The following CAST variants were observed in gnomAD, a reference collection of about 807,000 sequenced individuals.
CAST encodes MIR583 host.
CAST carries 76 observed loss-of-function variants against 119.6 expected under a neutral mutation model. The ratio of observed to expected loss-of-function variants is 0.64; its 90% CI spans 0.53 to 0.77. CAST has a LOEUF of 0.77. CAST is among the 30% of genes least tolerant of loss of function. The probability of loss-of-function intolerance (pLI) is 0.00; values close to 1 mark genes in which losing one functional copy is unlikely to be tolerated. For synonymous variants in CAST, 319 were observed against 331.6 expected, an observed-to-expected ratio of 0.96 and a Z score of 0.41; for missense variants, 953 against 946.5, an observed-to-expected ratio of 1.01 and a Z score of -0.09.
chr5:96,707,034 A>G (rs895459389), intron 3 of CAST, among the ~76,000 whole-genome samples: 1 of 152,178 alleles, frequency 6.6e-6, no homozygotes, highest in Non-Finnish European at 1.5e-5. Flanking sequence ...CGAGGTGCAA[A>G]AGTGCAAAGA....
At chr5:96,258,600 C>A in the CAST span, among the ~76,000 whole-genome samples, 1 of 152,146 alleles carries the variant, frequency 6.6e-6, no homozygotes, top group South Asian at 2.1e-4. Context: ...CCACCCCCCA[C>A]CATGTTTCTG....
At chr5:96,606,454 A>G (rs1340752122) in intron 1 of CAST, among the ~76,000 whole-genome samples, 1 of 152,226 alleles carries the variant, frequency 6.6e-6, no homozygotes, top group East Asian at 1.9e-4. Flanking sequence ...GGCTGGATGC[A>G]GAAAGAGCCA....
chr5:96,476,048 G>A, the CAST span, among the ~76,000 whole-genome samples: 4 of 152,288 alleles, frequency 2.6e-5, no homozygotes, highest in South Asian at 4.1e-4. Flanking sequence ...ATCCAAAAGC[G>A]GCCGTTGAGG....
the CAST span, among the ~76,000 whole-genome samples, chr5:96,171,999 G>A: frequency 4.8e-5 from 7 of 147,260 alleles, no homozygotes; most frequent in Admixed American, 1.4e-4. Flanking sequence ...TGAAGAGACC[G>A]CCAAACAGGC....
At chr5:96,428,507 A>G in the CAST span, among the ~76,000 whole-genome samples, 6 of 152,352 alleles carry the variant, frequency 3.9e-5, no homozygotes, top group South Asian at 1.2e-3. Context: ...TTCAAAATCA[A>G]TAGGTACATT....
At chr5:96,416,589 C>T in the CAST span, among the ~76,000 whole-genome samples, 7 of 152,120 alleles carry the variant, frequency 4.6e-5, no homozygotes, top group African/African-American at 9.7e-5. Flanking sequence ...TTAGATTATC[C>T]TTGATCAGCC....
the CAST span, among the ~76,000 whole-genome samples, chr5:96,335,039 G>A: frequency 3.9e-5 from 6 of 152,186 alleles, 1 homozygote; most frequent in South Asian, 1.2e-3. Flanking sequence ...AGTTACACAT[G>A]CCAAGACCAG....
At chr5:96,153,076 A>T in the CAST span, among the ~76,000 whole-genome samples, 1 of 152,280 alleles carries the variant, frequency 6.6e-6, no homozygotes, top group Non-Finnish European at 1.5e-5. Flanking sequence ...CTCAATTAAA[A>T]GTACAAATAA....
At chr5:96,415,965 C>G in the CAST span, 6 of 962,190 alleles carry the variant, frequency 6.2e-6, no homozygotes, top group Non-Finnish European at 1.0e-5. Flanking sequence ...CTCCCCTCCC[C>G]CATTTACAAT....
chr5:96,368,500 TAA>T, the CAST span, among the ~76,000 whole-genome samples: 5 of 133,178 alleles, frequency 3.8e-5, no homozygotes, highest in Admixed American at 7.6e-5. Context: ...AAACTCCATC[TAA>T]AAAAAAAAAA....
chr5:96,472,257 A>G, the CAST span, among the ~76,000 whole-genome samples: 2 of 152,196 alleles, frequency 1.3e-5, no homozygotes, highest in Non-Finnish European at 2.9e-5. Flanking sequence ...ATCTGATGCT[A>G]TGACTAGATT....
At chr5:96,157,540 T>C in the CAST span, among the ~76,000 whole-genome samples, 1 of 152,220 alleles carries the variant, frequency 6.6e-6, no homozygotes, top group Non-Finnish European at 1.5e-5. Context: ...CCTTACAGTG[T>C]GTCCAGGTGC....
At chr5:96,346,248 G>A in the CAST span, among the ~76,000 whole-genome samples, 1 of 152,170 alleles carries the variant, frequency 6.6e-6, no homozygotes, top group African/African-American at 2.4e-5. Flanking sequence ...GTAGATGGCA[G>A]TACTATTCAC....
At chr5:96,712,024 A>G (rs1756268355) in intron 3 of CAST, among the ~76,000 whole-genome samples, 1 of 152,260 alleles carries the variant, frequency 6.6e-6, no homozygotes, top group South Asian at 2.1e-4. Context: ...CCTATAGGAA[A>G]TAGGACACCC....
the CAST span, among the ~76,000 whole-genome samples, chr5:96,168,747 C>T: frequency 3.3e-5 from 5 of 151,950 alleles, no homozygotes; most frequent in South Asian, 2.1e-4. Context: ...GTGTGGTATC[C>T]GGAATAATGT....
intron 1 of CAST, among the ~76,000 whole-genome samples, chr5:96,566,165 G>A (rs995768716): frequency 6.6e-6 from 1 of 152,162 alleles, no homozygotes; most frequent in Non-Finnish European, 1.5e-5. Context: ...AGAGAGAAAA[G>A]GTTCTGACCT....
At chr5:96,620,848 C>T (rs527683840) in intron 1 of CAST, among the ~76,000 whole-genome samples, 1 of 152,124 alleles carries the variant, frequency 6.6e-6, no homozygotes, top group East Asian at 1.9e-4. Flanking sequence ...AAAGCGGAAA[C>T]GGTATTTATA....
the CAST span, among the ~76,000 whole-genome samples, chr5:96,299,288 CAACAAA>C: frequency 1.4e-4 from 14 of 103,548 alleles, no homozygotes; most frequent in African/African-American, 5.1e-4. Context: ...ACAACAACAA[CAACAAA>C]CAAACAAAAA....
intron 1 of CAST, among the ~76,000 whole-genome samples, chr5:96,567,770 A>C (rs1746496635): frequency 6.6e-6 from 1 of 152,198 alleles, no homozygotes; most frequent in African/African-American, 2.4e-5. Context: ...GCCAGGAGAG[A>C]TATAAAGACC....
Sources: gnomAD v4.1 joint callset for allele counts (sites outside exome capture counted in the v4.1 genomes callset) on GRCh38, gnomAD v4.1.1 for gene constraint, MANE v1.5 for transcripts, NCBI Gene and HGNC (gene_info 2026-07-23, HGNC 2026-07-21) for gene names.